Variants in RASAL2 observed in about 807,000 individuals in gnomAD.
RASAL2 encodes the protein ras GTPase-activating protein nGAP.
RASAL2 carries 58 observed loss-of-function variants against 128.9 expected under a neutral mutation model. That is an observed-to-expected ratio of 0.45 (90% CI 0.36 to 0.56). The LOEUF is 0.56. Among genes scored for constraint, RASAL2 ranks in the 20% least tolerant of loss-of-function variants. The probability of loss-of-function intolerance (pLI) is 0.00; values close to 1 mark genes in which losing one functional copy is unlikely to be tolerated. For missense variants in RASAL2, 1,360 were observed against 1,601.6 expected (o/e 0.85, Z 2.57); for synonymous variants, 561 against 580.8 (o/e 0.97, Z 0.49).
chr1:178,223,374 G>A (rs1185950014), intron 1 of RASAL2, among the ~76,000 whole-genome samples: 1 of 152,182 alleles, frequency 6.6e-6, no homozygotes. Flanking sequence ...CTGAGGAAGT[G>A]ACACTTGAAC....
intron 1 of RASAL2, among the ~76,000 whole-genome samples, chr1:178,216,715 C>G (rs1016157854): frequency 2.0e-5 from 3 of 152,200 alleles, no homozygotes; most frequent in Non-Finnish European, 4.4e-5. Context: ...TCTTGGCTCA[C>G]TGCAGCCTCT....
At chr1:178,119,308 TTC>T (rs1232282511) in intron 1 of RASAL2, among the ~76,000 whole-genome samples, 1 of 152,216 alleles carries the variant, frequency 6.6e-6, no homozygotes, top group East Asian at 1.9e-4. Flanking sequence ...GCCATCTCAC[TTC>T]TGTGTGTAAG....
At chr1:178,096,405 T>C (rs1437682572) in intron 1 of RASAL2, among the ~76,000 whole-genome samples, 1 of 152,122 alleles carries the variant, frequency 6.6e-6, no homozygotes, top group Non-Finnish European at 1.5e-5. Flanking sequence ...AGTCTACAAA[T>C]GTATGTTGTT....
intron 1 of RASAL2, among the ~76,000 whole-genome samples, chr1:178,216,676 G>T (rs1051410258): frequency 2.6e-5 from 4 of 152,150 alleles, no homozygotes; most frequent in Admixed American, 2.6e-4. Context: ...GTTTCACTCT[G>T]TTGCTCAGGC....
rs1191832691 is a variant in RASAL2, at chr1:178,347,603, C to G, written c.458-42497C>G. Among the ~76,000 whole-genome samples, 3 of 151,752 alleles carry G rather than the reference C, an allele frequency of 2.0e-5. No individual in the cohort carries two copies. The East Asian group carries it at 5.8e-4, about 29-fold the overall frequency. Reference sequence around the variant, plus strand: ...TCATCAGGGAAATGCAAATTTAAACCAAAATAGGATTACATACCCATCAAA... The same window carrying G: ...TCATCAGGGAAATGCAAATTTAAACGAAAATAGGATTACATACCCATCAAA... On this transcript the variant is annotated intron_variant, in intron 3 of 17. Coordinates refer to ENST00000367649, the MANE Select transcript of RASAL2 (RefSeq NM_170692.4).
At chr1:178,439,304 T>G in intron 5 of RASAL2, 118 bp from the exon 6 acceptor site, 2 of 854,686 alleles carry the variant, frequency 2.3e-6, no homozygotes, top group African/African-American at 1.7e-5. Flanking sequence ...ATTAATTTGT[T>G]CCTCATTTAT....
chr1:178,135,413 T>C (rs1299740798), intron 1 of RASAL2, among the ~76,000 whole-genome samples: 3 of 150,750 alleles, frequency 2.0e-5, no homozygotes, highest in African/African-American at 7.3e-5. Flanking sequence ...TACTTGTGAA[T>C]GGCTTTTTCA....
At chr1:178,179,710 A>G (rs1448182124) in intron 1 of RASAL2, among the ~76,000 whole-genome samples, 1 of 152,200 alleles carries the variant, frequency 6.6e-6, no homozygotes. Context: ...TATAGAAATG[A>G]TAATAATGGC....
At chr1:178,331,015 C>G (rs954959937) in intron 3 of RASAL2, among the ~76,000 whole-genome samples, 1 of 152,036 alleles carries the variant, frequency 6.6e-6, no homozygotes. Context: ...GTTTGTTTGC[C>G]AGCAATTAAT....
intron 5 of RASAL2, among the ~76,000 whole-genome samples, chr1:178,423,299 G>A (rs1240020104): frequency 1.3e-5 from 2 of 152,018 alleles, no homozygotes; most frequent in Non-Finnish European, 2.9e-5. Flanking sequence ...TGGCTGGGTT[G>A]GATTTCAGAA....
At chr1:178,214,752 G>A (rs1192276616) in intron 1 of RASAL2, among the ~76,000 whole-genome samples, 2 of 151,980 alleles carry the variant, frequency 1.3e-5, no homozygotes, top group Non-Finnish European at 2.9e-5. Context: ...TAGAGACGGG[G>A]TTTCACTGTG....
Position 178,413,492 on chromosome 1 carries a change from CT to C in RASAL2, c.565-7018del, listed in dbSNP as rs1455055379. Among the ~76,000 whole-genome samples, 4 of 152,214 alleles carry C rather than the reference CT, an allele frequency of 2.6e-5. No individual in the cohort carries two copies. The East Asian group carries it at 5.8e-4, about 22-fold the overall frequency. On this transcript the variant is annotated intron_variant, in intron 4 of 17. Coordinates refer to ENST00000367649, the MANE Select transcript of RASAL2 (RefSeq NM_170692.4). ...CTTCAGAATGTTTTCCCCCACCTTA[CT>C]ACTACATGACTAAAGGCTGGTTTAC... is the stretch of plus-strand genomic sequence containing the variant.
intron 5 of RASAL2, among the ~76,000 whole-genome samples, chr1:178,436,446 G>T (rs1471577066): frequency 6.6e-6 from 1 of 152,020 alleles, no homozygotes; most frequent in African/African-American, 2.4e-5. Context: ...AGTTAGACCT[G>T]AGTATCAAAA....
Position 178,458,276 on chromosome 1 carries a change from A to C in RASAL2, c.2984A>C (p.His995Pro). The C allele has an allele frequency of 6.2e-7, 1 of 1,614,260 alleles. No homozygotes were observed. Residue 995 changes from histidine (H) to proline (P), a missense_variant, in exon 14 of 18, where the codon CAC becomes CCC. By Grantham distance (77) the His-to-Pro change is moderately conservative. Around this residue, in one of 3 missense-constraint regions of RASAL2, gnomAD observed 741 missense variants for 868.6 expected, o/e 0.85. Coordinates refer to ENST00000367649, the MANE Select transcript of RASAL2 (RefSeq NM_170692.4). ...FSRRHTVPDR[H>P]IPLALPRQNS... ...AGGCGGCACACGGTGCCAGATAGACACATACCTCTTGCTTTGCCACGACAA... is the reference window on the plus strand; with the variant it reads ...AGGCGGCACACGGTGCCAGATAGACCCATACCTCTTGCTTTGCCACGACAA...
At chr1:178,174,443 CA>C (rs1661816326) in intron 1 of RASAL2, among the ~76,000 whole-genome samples, 2 of 152,164 alleles carry the variant, frequency 1.3e-5, no homozygotes, top group Non-Finnish European at 2.9e-5. Flanking sequence ...TCAACTTTTG[CA>C]GAAACAAATG....
At chr1:178,152,716 T>C (rs1232539290) in intron 1 of RASAL2, among the ~76,000 whole-genome samples, 1 of 152,168 alleles carries the variant, frequency 6.6e-6, no homozygotes, top group African/African-American at 2.4e-5. Context: ...GTAGAAAATT[T>C]TATACATACA....
chr1:178,422,261 T>G (rs1024914987), intron 5 of RASAL2, among the ~76,000 whole-genome samples: 2 of 152,082 alleles, frequency 1.3e-5, no homozygotes, highest in Non-Finnish European at 2.9e-5. Context: ...ACCAAGAGAT[T>G]ATATTCTCCC....
chr1:178,440,824 T>C (rs1676592981), intron 6 of RASAL2, among the ~76,000 whole-genome samples: 1 of 152,124 alleles, frequency 6.6e-6, no homozygotes, highest in Non-Finnish European at 1.5e-5. Context: ...AAAAATGGGT[T>C]CCAAAGATAG....
chr1:178,395,149 A>G (rs1673135953), intron 4 of RASAL2, among the ~76,000 whole-genome samples: 1 of 152,194 alleles, frequency 6.6e-6, no homozygotes, highest in Non-Finnish European at 1.5e-5. Context: ...AAAATCACCT[A>G]AGGAACTTCA....
Sources: gnomAD v4.1 joint callset for allele counts (sites outside exome capture counted in the v4.1 genomes callset) on GRCh38, gnomAD v4.1.1 for gene constraint, gnomAD v4.1.1 regional missense constraint, MANE v1.5 for transcripts, NCBI Gene and HGNC (gene_info 2026-07-23, HGNC 2026-07-21) for gene names.